GPM6B: variants seen among roughly 807,000 people sequenced by gnomAD.
The protein encoded by GPM6B is neuronal membrane glycoprotein M6-b.
Under a neutral mutation model 27.2 loss-of-function variants are expected in GPM6B, and 4 were observed. That is an observed-to-expected ratio of 0.15 (90% CI 0.07 to 0.34). The LOEUF (loss-of-function observed/expected upper bound fraction) is 0.34, where lower values mean the gene tolerates loss of function less well. Among genes scored for constraint, GPM6B ranks in the 10% least tolerant of loss-of-function variants. The pLI, the probability that GPM6B is intolerant of heterozygous loss-of-function variation, is 1.00. For synonymous variants in GPM6B, 124 were observed against 103.1 expected (o/e 1.20, Z -1.23); for missense variants, 183 against 261.9 (o/e 0.70, Z 2.08).
At chrX:13,852,921 C>T (rs1176506087) in intron 1 of GPM6B, among the ~76,000 whole-genome samples, 1 of 110,186 alleles carries the variant, frequency 9.1e-6, no homozygotes, top group Non-Finnish European at 1.9e-5. Context: ...GCTAAGACTA[C>T]AGGTGCACGC....
At chrX:13,901,615 C>T (rs760302619) in intron 1 of GPM6B, among the ~76,000 whole-genome samples, 2 of 111,470 alleles carry the variant, frequency 1.8e-5, no homozygotes, top group African/African-American at 3.3e-5. Flanking sequence ...CAAGGTCACA[C>T]GGCAAAATCC....
At chrX:13,779,739 G>A (rs756282121) in intron 5 of GPM6B, 79 bp downstream of exon 5, 96 of 742,723 alleles carry the variant, frequency 1.3e-4, no homozygotes, top group South Asian at 7.4e-4. Flanking sequence ...AAAAGGATGC[G>A]CATGTAATAA....
chrX:13,839,198 C>T (rs1603066951), intron 1 of GPM6B, among the ~76,000 whole-genome samples: 1 of 111,615 alleles, frequency 9.0e-6, no homozygotes, highest in Non-Finnish European at 1.9e-5. Context: ...TTGCTGATTT[C>T]AACCCTTCAA....
intron 1 of GPM6B, among the ~76,000 whole-genome samples, chrX:13,884,071 G>C (rs927945678): frequency 9.0e-6 from 1 of 111,152 alleles, no homozygotes; most frequent in African/African-American, 3.3e-5. Flanking sequence ...CAGCTACTCA[G>C]GGGGACTGAG....
intron 1 of GPM6B, among the ~76,000 whole-genome samples, chrX:13,852,105 C>A (rs1386425023): frequency 9.0e-6 from 1 of 110,833 alleles, no homozygotes; most frequent in Non-Finnish European, 1.9e-5. Context: ...TTTTTGTAAA[C>A]GGCCAGAATA....
At chrX:13,791,021 A>C (rs1702432084) in intron 2 of GPM6B, among the ~76,000 whole-genome samples, 1 of 111,983 alleles carries the variant, frequency 8.9e-6, no homozygotes, top group African/African-American at 3.3e-5. Context: ...ATGCTGTTAA[A>C]AGTTTACGAT....
chrX:13,805,350 A>T (rs899724473), intron 2 of GPM6B, among the ~76,000 whole-genome samples: 1 of 111,544 alleles, frequency 9.0e-6, no homozygotes, highest in Non-Finnish European at 1.9e-5. Context: ...ACCTGTTCTG[A>T]TCTCCTCTTC....
chrX:13,772,509 G>A lies in GPM6B; in HGVS notation c.*372C>T, dbSNP rs1453472608. The stretch of plus-strand genomic sequence containing the variant: ...TTTACGGTCTTATCCCTTGATGCTG[G>A]GCATGTCACAGGTCCTTATTAAGGA... On this transcript the variant is annotated 3_prime_UTR_variant, in exon 8 of 8. Transcript: ENST00000316715. The A allele has an allele frequency of 1.5e-5, 2 of 136,987 alleles. No individual in the cohort carries two copies. The highest frequency in any genetic ancestry group is 6.2e-5 in the African/African-American group (2 of 32,072). 11.3% of individuals were successfully genotyped at this position (136,987 alleles called of 1,213,427 possible). A position where few individuals can be genotyped will look rare whatever the true frequency, so the allele number is the denominator to read the frequency against.
intron 1 of GPM6B, among the ~76,000 whole-genome samples, chrX:13,873,262 G>A (rs771900426): frequency 9.2e-4 from 102 of 110,647 alleles, no homozygotes; most frequent in Non-Finnish European, 1.8e-3. Context: ...CCACTACACT[G>A]GAGGTTGGTA....
At chrX:13,809,724 G>T (rs1485413279) in intron 1 of GPM6B, among the ~76,000 whole-genome samples, 1 of 110,915 alleles carries the variant, frequency 9.0e-6, no homozygotes, top group Non-Finnish European at 1.9e-5. Flanking sequence ...ATCACCTGAG[G>T]TGAGGAGTTT....
chrX:13,864,170 G>A (rs934916788), intron 1 of GPM6B, among the ~76,000 whole-genome samples: 1 of 112,417 alleles, frequency 8.9e-6, no homozygotes, highest in African/African-American at 3.2e-5. Context: ...AGAGCCTTGA[G>A]GAATCTGAAA....
At chrX:13,798,595 G>C (rs769336600) in intron 2 of GPM6B, among the ~76,000 whole-genome samples, 1 of 112,669 alleles carries the variant, frequency 8.9e-6, no homozygotes, top group Non-Finnish European at 1.9e-5. Context: ...TTTTAAAAGA[G>C]TGAGTTTCTC....
upstream of GPM6B, chrX:13,938,459 G>T: frequency 2.3e-6 from 2 of 870,558 alleles, no homozygotes; most frequent in Non-Finnish European, 2.9e-6. Flanking sequence ...CTCCCGGGGC[G>T]GGGGCGCGAG....
intron 5 of GPM6B, among the ~76,000 whole-genome samples, chrX:13,778,050 G>GT (rs1450377975): frequency 0.015 from 1,178 of 76,417 alleles, 23 homozygotes; most frequent in African/African-American, 0.053. Context: ...AATCAAATTG[G>GT]TTTGTTTTTT....
intron 1 of GPM6B, among the ~76,000 whole-genome samples, chrX:13,917,456 C>T (rs2050440282): frequency 8.9e-6 from 1 of 112,086 alleles, no homozygotes; most frequent in Non-Finnish European, 1.9e-5. Context: ...GTTTTTACAG[C>T]AATCAAACTG....
chrX:13,840,538 G>A (rs998543879), intron 1 of GPM6B, among the ~76,000 whole-genome samples: 4 of 111,394 alleles, frequency 3.6e-5, no homozygotes, highest in Non-Finnish European at 7.5e-5. Context: ...TACTTCTTGG[G>A]CTCCTACTTG....
intron 5 of GPM6B, among the ~76,000 whole-genome samples, chrX:13,779,225 T>G (rs751050689): frequency 5.3e-5 from 6 of 112,199 alleles, no homozygotes; most frequent in Admixed American, 9.4e-5. Context: ...TGAACCAACC[T>G]TAGATCCCCA....
chrX:13,825,706 C>T (rs1245242085), intron 1 of GPM6B, among the ~76,000 whole-genome samples: 1 of 112,497 alleles, frequency 8.9e-6, no homozygotes, highest in Non-Finnish European at 1.9e-5. Context: ...GCAGGGGCAG[C>T]CCACTTTCTA....
Position 13,816,463 on chromosome X carries a change from A to G in GPM6B, c.61+381T>C, listed in dbSNP as rs140732651. Among the ~76,000 whole-genome samples, 489 of 111,754 alleles carry G rather than the reference A, an allele frequency of 4.4e-3. 5 individuals are homozygous for G. The highest frequency in any genetic ancestry group is 0.015 in the African/African-American group (467 of 30,737). ...GCAGAATTAACATGCATGCCCCTCC[A>G]GTTCCTCCTCAGCATTAGCAGAAAA... On this transcript the variant is annotated intron_variant, in intron 1 of 7. Transcript: ENST00000316715.
Sources: allele counts gnomAD v4.1 joint callset (sites outside exome capture counted in the v4.1 genomes callset), GRCh38; gene constraint gnomAD v4.1.1; transcripts MANE v1.5; gene names NCBI Gene and HGNC (gene_info 2026-07-23, HGNC 2026-07-21).